The following TXNRD1 variants were observed in gnomAD, a reference collection of about 807,000 sequenced individuals.
TXNRD1 encodes the protein thioredoxin reductase 1, cytoplasmic.
In TXNRD1, 57 loss-of-function variants were observed where a neutral mutation model predicts 80.3. The ratio of observed to expected loss-of-function variants is 0.71; its 90% confidence interval spans 0.57 to 0.89. The LOEUF is 0.89. TXNRD1 is among the 40% of genes least tolerant of loss of function. The pLI, the probability that TXNRD1 is intolerant of heterozygous loss-of-function variation, is 0.00. For missense variants in TXNRD1, 730 were observed against 803.0 expected, an observed-to-expected ratio of 0.91 and a Z score of 1.10; for synonymous variants, 291 against 285.2, an observed-to-expected ratio of 1.02 and a Z score of -0.20.
At chr12:104,324,825 C>G (rs2035699719) in intron 10 of TXNRD1, among the ~76,000 whole-genome samples, 1 of 152,200 alleles carries the variant, frequency 6.6e-6, no homozygotes, top group African/African-American at 2.4e-5. Context: ...ACCCACATCT[C>G]CTTGCCCACT....
chr12:104,303,532 G>T (rs918913419), intron 4 of TXNRD1, among the ~76,000 whole-genome samples: 7 of 152,358 alleles, frequency 4.6e-5, no homozygotes, highest in African/African-American at 9.6e-5. Flanking sequence ...AGGTGATCCA[G>T]TCGGTAAACG....
intron 4 of TXNRD1, chr12:104,304,431 A>T: frequency 6.2e-7 from 1 of 1,614,040 alleles, no homozygotes; most frequent in Middle Eastern, 1.6e-4. Flanking sequence ...GTAAAAGCTG[A>T]GACATTCCAT....
intron 3 of TXNRD1, among the ~76,000 whole-genome samples, chr12:104,274,348 G>A (rs182613293): frequency 7.2e-5 from 11 of 152,218 alleles, no homozygotes; most frequent in Non-Finnish European, 1.2e-4. Flanking sequence ...AAATTAGAGG[G>A]GGATGTTCTT....
chr12:104,322,645 G>A (rs60783408), intron 10 of TXNRD1, among the ~76,000 whole-genome samples: 1,601 of 152,152 alleles, frequency 0.011, 27 homozygotes, highest in African/African-American at 0.036. Context: ...GTCCCAAAGT[G>A]CTGAGATTAC....
rs906546558 is a variant in TXNRD1, at chr12:104,244,890, G to A, written c.92-6637G>A. On this transcript the variant is annotated intron_variant, in intron 1 of 16. Coordinates refer to ENST00000525566, the MANE Select transcript of TXNRD1 (RefSeq NM_001093771.3). ...ACCTCTTTGCAGCTTAGGCTTGGGA[G>A]AGAGAAAAGCTGTGGCAAGGTATAA... Among the ~76,000 whole-genome samples, 4 of 152,324 alleles carry A rather than the reference G, an allele frequency of 2.6e-5. No individual in the cohort carries two copies. The East Asian group carries it at 7.7e-4, about 29-fold the overall frequency.
intron 15 of TXNRD1, among the ~76,000 whole-genome samples, chr12:104,335,854 T>C (rs1011000984): frequency 5.9e-5 from 9 of 152,220 alleles, no homozygotes; most frequent in Non-Finnish European, 1.2e-4. Flanking sequence ...CTTTAGGCAG[T>C]AGGACAGTTA....
At chr12:104,347,990 C>T (rs146796059) in intron 16 of TXNRD1, among the ~76,000 whole-genome samples, 80 of 152,248 alleles carry the variant, frequency 5.3e-4, no homozygotes, top group African/African-American at 1.8e-3. Flanking sequence ...TGGGGTGGCA[C>T]ACACAGGGCT....
intron 4 of TXNRD1, among the ~76,000 whole-genome samples, chr12:104,292,283 C>G (rs1448828760): frequency 6.6e-6 from 1 of 152,076 alleles, no homozygotes; most frequent in Non-Finnish European, 1.5e-5. Context: ...GTCTCCAGAC[C>G]ACCTGCTCAG....
intron 1 of TXNRD1, among the ~76,000 whole-genome samples, chr12:104,229,598 A>AT (rs1448067459): frequency 8.9e-5 from 12 of 135,062 alleles, no homozygotes; most frequent in East Asian, 6.8e-4. Context: ...ATTTTATTTT[A>AT]TTTATTTTTT....
chr12:104,228,631 C>G (rs1050452531), intron 1 of TXNRD1, among the ~76,000 whole-genome samples: 2 of 152,202 alleles, frequency 1.3e-5, no homozygotes, highest in African/African-American at 4.8e-5. Flanking sequence ...AACTCTCTCT[C>G]AAAATAAAGT....
chr12:104,304,650 C>T (rs770156613), intron 4 of TXNRD1: 1 of 1,613,894 alleles, frequency 6.2e-7, no homozygotes, highest in East Asian at 2.2e-5. Flanking sequence ...CCTGATACTC[C>T]TGTGTCCTAT....
At chr12:104,264,684 C>T (rs567590875) in intron 3 of TXNRD1, among the ~76,000 whole-genome samples, 1 of 152,076 alleles carries the variant, frequency 6.6e-6, no homozygotes, top group Non-Finnish European at 1.5e-5. Context: ...TTCTCAATGA[C>T]TACAAAATAG....
intron 3 of TXNRD1, among the ~76,000 whole-genome samples, chr12:104,277,775 C>T (rs1420187606): frequency 1.3e-5 from 2 of 151,624 alleles, no homozygotes; most frequent in African/African-American, 2.4e-5. Context: ...GTTCCTCACT[C>T]TATATTATTT....
At chr12:104,232,563 A>G (rs1449904579) in intron 1 of TXNRD1, among the ~76,000 whole-genome samples, 1 of 151,982 alleles carries the variant, frequency 6.6e-6, no homozygotes, top group African/African-American at 2.4e-5. Flanking sequence ...ACCACCTGAA[A>G]AAAAAAAGTG....
intron 1 of TXNRD1, among the ~76,000 whole-genome samples, chr12:104,225,700 G>T (rs899068731): frequency 6.8e-6 from 1 of 147,868 alleles, no homozygotes; most frequent in African/African-American, 2.6e-5. Context: ...GCAGAACTAT[G>T]AATCAATTAA....
chr12:104,343,296 C>G (rs1424444708), intron 16 of TXNRD1, among the ~76,000 whole-genome samples: 4 of 152,160 alleles, frequency 2.6e-5, no homozygotes, highest in African/African-American at 9.7e-5. Flanking sequence ...GCAGCCCAGA[C>G]CCCAAAGCAC....
At chr12:104,344,020 T>C (rs2036412468) in intron 16 of TXNRD1, among the ~76,000 whole-genome samples, 1 of 151,940 alleles carries the variant, frequency 6.6e-6, no homozygotes, top group South Asian at 2.1e-4. Context: ...TGAGAATTGC[T>C]TGAATCTGGG....
chr12:104,317,839 C>G (rs954303932), intron 7 of TXNRD1, among the ~76,000 whole-genome samples: 4 of 152,166 alleles, frequency 2.6e-5, no homozygotes, highest in African/African-American at 7.2e-5. Context: ...GACCCTGTCT[C>G]TAAAGAAGAG....
rs556637899 is a variant in TXNRD1, at chr12:104,223,614, A to G, written c.91+7721A>G. Among the ~76,000 whole-genome samples, 27 of 152,328 alleles carry G rather than the reference A, an allele frequency of 1.8e-4. No individual in the cohort carries two copies. In the South Asian group the frequency reaches 5.6e-3, roughly 32 times the overall value. ...TCACGGGATTCCATGGGATCTTTCT[A>G]GATGTGCTGGACTGGTAAAAATCCT... On this transcript the variant is annotated intron_variant, in intron 1 of 16. Transcript: ENST00000525566.
Sources: gnomAD v4.1 joint callset for allele counts (sites outside exome capture counted in the v4.1 genomes callset) on GRCh38, gnomAD v4.1.1 for gene constraint, MANE v1.5 for transcripts, NCBI Gene and HGNC (gene_info 2026-07-23, HGNC 2026-07-21) for gene names.